The following UNC13A variants were observed in gnomAD, a reference collection of about 807,000 sequenced individuals.
UNC13A encodes the protein unc-13 homolog A, also known as protein unc-13 homolog A.
Under a neutral mutation model 219.7 loss-of-function variants are expected in UNC13A, and 61 were observed. The observed-to-expected ratio is 0.28, with a 90% CI of 0.23 to 0.34. The LOEUF (loss-of-function observed/expected upper bound fraction) is 0.34, where lower values mean the gene tolerates loss of function less well. Among genes scored for constraint, UNC13A ranks in the 10% least tolerant of loss-of-function variants. The pLI is 1.00. For missense variants in UNC13A, 1,476 were observed against 2,270.3 expected, an observed-to-expected ratio of 0.65 and a Z score of 7.11; for synonymous variants, 920 against 884.6, an observed-to-expected ratio of 1.04 and a Z score of -0.71.
At position 17,655,958 on chromosome 19, in the gene UNC13A, G is replaced by A. The variant is rs1159839327; in HGVS notation, c.1208C>T (p.Pro403Leu). The part of the protein sequence containing the change: ...TEAPDMAKVA[P>L]KPATPDKVPA... ...CACCTTGTCGGGCGTGGCTGGCTTGGGGGCCACCTTGGCCATGTCGGGGGC... is the reference window on the plus strand; with the variant it reads ...CACCTTGTCGGGCGTGGCTGGCTTGAGGGCCACCTTGGCCATGTCGGGGGC... Residue 403 changes from proline to leucine, a missense_variant, in exon 10 of 44, where the codon CCC becomes CTC. Pro to Leu is a moderately conservative substitution (Grantham distance 98). This residue lies in a region of UNC13A where 351 missense variants were observed against 342.6 expected (regional missense o/e 1.02). Coordinates refer to ENST00000519716, the MANE Select transcript of UNC13A (RefSeq NM_001080421.3). 7 of 1,549,930 alleles carry A rather than the reference G, an allele frequency of 4.5e-6. No individual in the cohort carries two copies. The highest frequency in any genetic ancestry group is 6.1e-6 in the Non-Finnish European group (7 of 1,150,022).
Position 17,602,681 on chromosome 19 carries a change from T to C in UNC13A, c.*3373A>G, listed in dbSNP as rs552744821. On this transcript the variant is annotated 3_prime_UTR_variant, in exon 44 of 44. Transcript: ENST00000519716. Reference sequence around the variant, plus strand: ...AGCCCCCTGGACTCCTTGTCTTTTCTCTGTCCGTGTCTCAGCCATGTCCAC... The same window carrying C: ...AGCCCCCTGGACTCCTTGTCTTTTCCCTGTCCGTGTCTCAGCCATGTCCAC... 6.6e-6 allele frequency: 1 copy of C among 152,478 alleles called. No individual in the cohort carries two copies. Among genetic ancestry groups the C allele is most frequent in the Non-Finnish European group, 1.5e-5 (1 of 68,138 alleles). 9.4% of individuals were successfully genotyped at this position (152,478 alleles called of 1,614,324 possible). A position where few individuals can be genotyped will look rare whatever the true frequency, so the allele number is the denominator to read the frequency against.
At chr19:17,628,195 C>T (rs1020055876) in intron 31 of UNC13A, 2 of 537,494 alleles carry the variant, frequency 3.7e-6, no homozygotes, top group African/African-American at 3.8e-5. Context: ...GGTGGGGGGT[C>T]CATGAGAGGG....
At position 17,674,529 on chromosome 19, in the gene UNC13A, G is replaced by A. The variant is rs566766259; in HGVS notation, c.152+128C>T. ...GTTTTGGAGGTGAAGGTGATAAGGT[G>A]GACAGGGGAAGAGGGAGGACAGAGG... On this transcript the variant is annotated intron_variant, in intron 3 of 43. Coordinates refer to ENST00000519716, the MANE Select transcript of UNC13A (RefSeq NM_001080421.3). The surrounding 1 kb of genome is among the most constrained non-coding windows in gnomAD (Gnocchi z 5.0). 1.8e-5 allele frequency: 13 copies of A among 732,072 alleles called. No homozygotes were observed. Among genetic ancestry groups the A allele is most frequent in the African/African-American group, 1.4e-4 (8 of 57,896 alleles). 45.3% of individuals were successfully genotyped at this position (732,072 alleles called of 1,614,324 possible). A position where few individuals can be genotyped will look rare whatever the true frequency, so the allele number is the denominator to read the frequency against.
chr19:17,661,333 C>T (rs36116787), intron 8 of UNC13A, among the ~76,000 whole-genome samples: 10,412 of 151,944 alleles, frequency 0.069, 572 homozygotes, highest in African/African-American at 0.15. Flanking sequence ...GTTTGTCCAC[C>T]AGGATATGAG....
At chr19:17,645,032 G>T (rs2077010895) in intron 19 of UNC13A, among the ~76,000 whole-genome samples, 2 of 142,642 alleles carry the variant, frequency 1.4e-5, no homozygotes, top group South Asian at 4.5e-4. Context: ...TTTTGAGTGG[G>T]AGTTTTGCTC....
Position 17,639,941 on chromosome 19 carries a change from G to A in UNC13A, c.2788-33C>T, listed in dbSNP as rs751744296. The A allele has an allele frequency of 4.3e-6, 7 of 1,611,580 alleles. No homozygotes were observed. In the East Asian group the frequency reaches 1.1e-4, roughly 26 times the overall value. On this transcript the variant is annotated intron_variant, in intron 22 of 43. Transcript: ENST00000519716. The stretch of plus-strand genomic sequence containing the variant: ...GGAAGGGGAGGAGGGAGGATGGATG[G>A]AGGCAGGACATGGCCGCCATAGTGG...
intron 24 of UNC13A, 83 bp downstream of exon 24, chr19:17,639,353 C>T: frequency 6.4e-7 from 1 of 1,569,252 alleles, no homozygotes; most frequent in South Asian, 1.2e-5. Context: ...TGCCACTCTC[C>T]AGGAGGAATG....
At chr19:17,653,432 C>T (rs1182994469) in intron 11 of UNC13A, among the ~76,000 whole-genome samples, 1 of 151,824 alleles carries the variant, frequency 6.6e-6, no homozygotes, top group African/African-American at 2.4e-5. Context: ...ACTGCAACCT[C>T]CACCTCCTGG....
intron 31 of UNC13A, chr19:17,628,145 G>T: frequency 1.7e-6 from 1 of 593,346 alleles, no homozygotes; most frequent in Non-Finnish European, 3.0e-6. Flanking sequence ...GGGACTGGTG[G>T]GGGCAAGGAG....
intron 7 of UNC13A, 75 bp from the exon 8 acceptor site, chr19:17,663,642 G>A: frequency 6.7e-7 from 1 of 1,482,520 alleles, no homozygotes; most frequent in Non-Finnish European, 9.2e-7. Context: ...CTCCCCTGCT[G>A]TCCTCACTCT....
chr19:17,618,386 C>A lies in UNC13A; in HGVS notation c.4410+35G>T. Reference sequence around the variant, plus strand: ...CCACAGCAGCCACACCCTCTACATCCCCCACCTGGGATGGGGAGGGGTAGG... The same window carrying A: ...CCACAGCAGCCACACCCTCTACATCACCCACCTGGGATGGGGAGGGGTAGG... On this transcript the variant is annotated intron_variant, in intron 40 of 43. Transcript: ENST00000519716. The A allele has an allele frequency of 1.9e-6, 3 of 1,556,438 alleles. No homozygotes were observed. The South Asian group carries it at 3.5e-5, about 18-fold the overall frequency.
At chr19:17,675,671 C>G (rs1267070449) in intron 2 of UNC13A, among the ~76,000 whole-genome samples, 1 of 151,540 alleles carries the variant, frequency 6.6e-6, no homozygotes, top group East Asian at 1.9e-4. Flanking sequence ...GAAAGAAACT[C>G]CTTTCGCCTC....
intron 21 of UNC13A, among the ~76,000 whole-genome samples, chr19:17,641,065 G>T (rs542009033): frequency 6.6e-6 from 1 of 151,966 alleles, no homozygotes; most frequent in African/African-American, 2.4e-5. Context: ...TTTTAGTAGA[G>T]ATGGGGTTTC....
intron 15 of UNC13A, 32 bp downstream of exon 15, chr19:17,648,880 C>T (rs1360510890): frequency 5.7e-6 from 9 of 1,566,092 alleles, no homozygotes; most frequent in Non-Finnish European, 7.8e-6. Flanking sequence ...CAGTCCATCC[C>T]TGACCCGGGG....
intron 31 of UNC13A, among the ~76,000 whole-genome samples, chr19:17,628,894 A>T (rs767147038): frequency 5.9e-5 from 9 of 152,160 alleles, no homozygotes; most frequent in Non-Finnish European, 1.2e-4. Context: ...TCACACACAC[A>T]TTCATGCCAT....
chr19:17,639,410 G>C, intron 24 of UNC13A, 26 bp downstream of exon 24: 1 of 1,604,132 alleles, frequency 6.2e-7, no homozygotes. Flanking sequence ...TCCTTGGAGA[G>C]CAAAGGCAAC....
At chr19:17,668,839 AG>A (rs751568897) in intron 5 of UNC13A, among the ~76,000 whole-genome samples, 2 of 152,104 alleles carry the variant, frequency 1.3e-5, no homozygotes, top group African/African-American at 2.4e-5. Flanking sequence ...TCTGTCACCC[AG>A]GCTGGAGTGC....
At chr19:17,653,483 G>C (rs918605489) in intron 11 of UNC13A, among the ~76,000 whole-genome samples, 1 of 151,876 alleles carries the variant, frequency 6.6e-6, no homozygotes, top group African/African-American at 2.4e-5. Flanking sequence ...TAGTAGCTGG[G>C]ATTACAGGTG....
intron 43 of UNC13A, 62 bp from the exon 44 acceptor site, chr19:17,606,416 C>G: frequency 1.3e-6 from 2 of 1,511,284 alleles, no homozygotes; most frequent in Non-Finnish European, 1.8e-6. Context: ...CGCCCACGGC[C>G]CCGTCCCCAC....
Sources: allele counts gnomAD v4.1 joint callset (sites outside exome capture counted in the v4.1 genomes callset), GRCh38; gene constraint gnomAD v4.1.1; regional missense constraint gnomAD v4.1.1; non-coding constraint Gnocchi (gnomAD v3.1); transcripts MANE v1.5; gene names NCBI Gene and HGNC (gene_info 2026-07-23, HGNC 2026-07-21).